The following ZFYVE21 variants were observed in gnomAD, a reference collection of about 807,000 sequenced individuals.
ZFYVE21 encodes the protein zinc finger FYVE-type containing 21, also known as zinc finger FYVE domain-containing protein 21.
Under a neutral mutation model 29.5 loss-of-function variants are expected in ZFYVE21, and 21 were observed. The observed-to-expected ratio is 0.71, with a 90% CI of 0.50 to 1.02. The LOEUF (loss-of-function observed/expected upper bound fraction) is 1.02, where lower values mean the gene tolerates loss of function less well. Among genes scored for constraint, ZFYVE21 ranks in the 50% least tolerant of loss-of-function variants. The probability of loss-of-function intolerance (pLI) is 0.00; values close to 1 mark genes in which losing one functional copy is unlikely to be tolerated. For synonymous variants in ZFYVE21, 151 were observed against 133.8 expected (o/e 1.13, Z -0.89); for missense variants, 326 against 335.4 (o/e 0.97, Z 0.22).
At chr14:103,721,852 G>C (rs1222261348) in intron 1 of ZFYVE21, among the ~76,000 whole-genome samples, 2 of 152,262 alleles carry the variant, frequency 1.3e-5, no homozygotes, top group East Asian at 3.8e-4. Context: ...GAATGTGCTG[G>C]TTTGAAAGTC....
At chr14:103,728,450 C>T (rs375518385) in intron 3 of ZFYVE21, among the ~76,000 whole-genome samples, 8 of 152,286 alleles carry the variant, frequency 5.3e-5, no homozygotes, top group African/African-American at 7.2e-5. Context: ...GCCTGCCCGC[C>T]GTGGGGTCTG....
intron 1 of ZFYVE21, among the ~76,000 whole-genome samples, chr14:103,722,576 T>C (rs2083882415): frequency 1.3e-5 from 2 of 151,920 alleles, no homozygotes; most frequent in Admixed American, 1.3e-4. Context: ...TCCCAGCACT[T>C]TGGGAGGCCG....
intron 1 of ZFYVE21, among the ~76,000 whole-genome samples, chr14:103,722,541 C>T (rs570958762): frequency 4.6e-5 from 7 of 152,010 alleles, no homozygotes; most frequent in South Asian, 2.1e-4. Flanking sequence ...ATGTTCAGGC[C>T]GGGCACGGTG....
intron 3 of ZFYVE21, 187 bp from the exon 4 acceptor site, chr14:103,728,721 C>A: frequency 1.7e-6 from 1 of 590,544 alleles, no homozygotes; most frequent in Non-Finnish European, 3.0e-6. Flanking sequence ...TTTGGGTTTA[C>A]CTCTTAAACC....
At chr14:103,727,698 G>C in intron 2 of ZFYVE21, 48 bp from the exon 3 acceptor site, 2 of 1,592,252 alleles carry the variant, frequency 1.3e-6, no homozygotes, top group Non-Finnish European at 1.7e-6. Flanking sequence ...ACCCGGGGCC[G>C]CTTGTTCCCT....
At position 103,729,259 on chromosome 14, in the gene ZFYVE21, T is replaced by C. The variant is rs186217192; in HGVS notation, c.526+77T>C. Reference sequence around the variant, plus strand: ...GGGTGACAAGAGGAGCATGCACTTTTGGGATCAGGCAGCTGCCCTGAGGAG... The same window carrying C: ...GGGTGACAAGAGGAGCATGCACTTTCGGGATCAGGCAGCTGCCCTGAGGAG... On this transcript the variant is annotated intron_variant, in intron 5 of 6. Coordinates refer to ENST00000311141, the MANE Select transcript of ZFYVE21 (RefSeq NM_024071.4). 2.5e-4 allele frequency: 375 copies of C among 1,506,616 alleles called. 3 individuals are homozygous for C. In the East Asian group the frequency reaches 4.8e-3, roughly 19 times the overall value. 93.3% of individuals were successfully genotyped at this position (1,506,616 alleles called of 1,614,324 possible).
At position 103,727,859 on chromosome 14, in the gene ZFYVE21, C is replaced by T. The variant is rs1535100; in HGVS notation, c.303C>T (p.Leu101=). ...TGCGGCAGTGCGCGGAGTGCGCCCTCGTGTCCCTCAAGGAGGCGGAGTTCT... is the reference window on the plus strand; with the variant it reads ...TGCGGCAGTGCGCGGAGTGCGCCCTTGTGTCCCTCAAGGAGGCGGAGTTCT... ...DPVRQCAECA[L]VSLKEAEFYD... Residue 101 remains leucine, a synonymous_variant, in exon 3 of 7, where the codon CTC becomes CTT. Transcript: ENST00000311141. 1.2e-6 allele frequency: 2 copies of T among 1,613,106 alleles called. No individual in the cohort carries two copies. The highest frequency in any genetic ancestry group is 1.7e-5 in the Admixed American group (1 of 59,992).
At chr14:103,717,126 ACT>A (rs2083830802) in intron 1 of ZFYVE21, among the ~76,000 whole-genome samples, 1 of 151,810 alleles carries the variant, frequency 6.6e-6, no homozygotes, top group Non-Finnish European at 1.5e-5. Context: ...AATTCGAGTG[ACT>A]CTGGGGAAGT....
Position 103,728,959 on chromosome 14 carries a change from C to T in ZFYVE21, c.410C>T (p.Thr137Ile). 6.2e-7 allele frequency: 1 copy of T among 1,614,056 alleles called. No homozygotes were observed. Among genetic ancestry groups the T allele is most frequent in the Non-Finnish European group, 8.5e-7 (1 of 1,180,008 alleles). The change falls in exon 4 of 7, where the codon ACT becomes ATT. Residue 137 changes from threonine to isoleucine, a missense_variant. Transcript: ENST00000311141. Reference sequence around the variant, plus strand: ...AACTCAGAGAAACCTGAAACTATGACTTGTCGTCTTTCCAATAACCAGAGG... The same window carrying T: ...AACTCAGAGAAACCTGAAACTATGATTTGTCGTCTTTCCAATAACCAGAGG... Reference protein sequence around the residue: ...FGNSEKPETMTCRLSNNQRYL... With the variant: ...FGNSEKPETMICRLSNNQRYL...
chr14:103,718,649 C>A (rs1256480105), intron 1 of ZFYVE21, among the ~76,000 whole-genome samples: 1 of 152,180 alleles, frequency 6.6e-6, no homozygotes, highest in Non-Finnish European at 1.5e-5. Context: ...CCGACACTGA[C>A]GCAAGGCAGT....
At chr14:103,723,783 A>G (rs2083894050) in intron 1 of ZFYVE21, among the ~76,000 whole-genome samples, 1 of 152,222 alleles carries the variant, frequency 6.6e-6, no homozygotes, top group South Asian at 2.1e-4. Flanking sequence ...CCAACTAAGC[A>G]CAGTGGGCAC....
In ZFYVE21 at chr14:103,733,152, G is replaced by C; in HGVS notation, c.*134G>C. ...GAAATGCAACTCACTCATGTATTTG[G>C]AGAAACAGGAGTGTTCACTTATCTA... On this transcript the variant is annotated 3_prime_UTR_variant, in exon 7 of 7. Coordinates refer to ENST00000311141, the MANE Select transcript of ZFYVE21 (RefSeq NM_024071.4). 3 of 1,102,830 alleles carry C rather than the reference G, an allele frequency of 2.7e-6. No homozygotes were observed. Among genetic ancestry groups the C allele is most frequent in the South Asian group, 1.4e-5 (1 of 69,874 alleles). The allele number at this position is 1,102,830 out of a possible 1,614,324, so 68.3% of individuals were successfully genotyped here.
intron 5 of ZFYVE21, chr14:103,729,727 C>T: frequency 6.6e-7 from 1 of 1,526,216 alleles, no homozygotes; most frequent in Non-Finnish European, 8.8e-7. Context: ...TGTTGCTTTC[C>T]TTCCGTTCTC....
At chr14:103,729,672 C>G in intron 5 of ZFYVE21, 2 of 1,263,212 alleles carry the variant, frequency 1.6e-6, no homozygotes. Flanking sequence ...AGCTCGCATC[C>G]CGTTATCTGC....
chr14:103,733,235 G>A lies in ZFYVE21; in HGVS notation c.*217G>A, dbSNP rs572721479. 28 of 609,082 alleles carry A rather than the reference G, an allele frequency of 4.6e-5. No homozygotes were observed. In the South Asian group the frequency reaches 4.8e-4, roughly 10 times the overall value. 37.7% of individuals were successfully genotyped at this position (609,082 alleles called of 1,614,324 possible). ...AACAGCTTCATGTTTTAGAATTTGT[G>A]TATTGTCAATACTTAATTGGGGGTG... On this transcript the variant is annotated 3_prime_UTR_variant, in exon 7 of 7. Coordinates refer to ENST00000311141, the MANE Select transcript of ZFYVE21 (RefSeq NM_024071.4).
At chr14:103,723,583 G>T (rs2083892596) in intron 1 of ZFYVE21, among the ~76,000 whole-genome samples, 1 of 152,268 alleles carries the variant, frequency 6.6e-6, no homozygotes, top group African/African-American at 2.4e-5. Flanking sequence ...ATGGAACTCG[G>T]CAGGGATGAG....
intron 5 of ZFYVE21, chr14:103,729,982 T>A: frequency 1.0e-6 from 1 of 994,770 alleles, no homozygotes; most frequent in Non-Finnish European, 1.4e-6. Flanking sequence ...TTGGTTGACT[T>A]AAGAGAGATG....
chr14:103,730,167 CT>C, intron 5 of ZFYVE21: 1 of 355,114 alleles, frequency 2.8e-6, no homozygotes, highest in East Asian at 5.5e-5. Context: ...CCTTGGGAGC[CT>C]CTGCCAACAC....
Position 103,715,963 on chromosome 14 carries a change from G to T in ZFYVE21, c.122G>T (p.Trp41Leu). 1 of 1,397,208 alleles carries T rather than the reference G, an allele frequency of 7.2e-7. No homozygotes were observed. The allele number at this position is 1,397,208 out of a possible 1,614,324, so 86.6% of individuals were successfully genotyped here. A position where few individuals can be genotyped will look rare whatever the true frequency, so the allele number is the denominator to read the frequency against. ...CCGTTCGGCCTGGAGGAGCCGCAGT[G>T]GGTCCCGGACAAGGAGGTGGGTGGC... ...GSPFGLEEPQ[W>L]VPDKECRRCM... is the part of the protein sequence containing the mutation. The change falls in exon 1 of 7, where the codon TGG (tryptophan) becomes TTG (leucine). Residue 41 changes from tryptophan to leucine, a missense_variant. Transcript: ENST00000311141.
Sources: allele counts gnomAD v4.1 joint callset (sites outside exome capture counted in the v4.1 genomes callset), GRCh38; gene constraint gnomAD v4.1.1; transcripts MANE v1.5; gene names NCBI Gene and HGNC (gene_info 2026-07-23, HGNC 2026-07-21).